PLEKHB1: variants seen among roughly 807,000 people sequenced by gnomAD.
PLEKHB1 encodes pleckstrin homology domain containing B1, also known as pleckstrin homology domain-containing family B member 1.
Under a neutral mutation model 36.2 loss-of-function variants are expected in PLEKHB1, and 29 were observed. That is an observed-to-expected ratio of 0.80 (90% CI 0.60 to 1.09). PLEKHB1 has a LOEUF of 1.09. Among genes scored for constraint, PLEKHB1 ranks in the 50% least tolerant of loss-of-function variants. The pLI, the probability that PLEKHB1 is intolerant of heterozygous loss-of-function variation, is 0.00. For missense variants in PLEKHB1, 330 were observed against 348.2 expected, an observed-to-expected ratio of 0.95 and a Z score of 0.42; for synonymous variants, 138 against 140.0, an observed-to-expected ratio of 0.99 and a Z score of 0.10.
At chr11:73,658,393 G>A (rs927482120) in intron 6 of PLEKHB1, among the ~76,000 whole-genome samples, 6 of 152,152 alleles carry the variant, frequency 3.9e-5, no homozygotes, top group African/African-American at 1.4e-4. Flanking sequence ...ACCCTCCATA[G>A]CTTGGCTTTT....
chr11:73,652,666 C>A (rs927861639), intron 4 of PLEKHB1: 2 of 314,982 alleles, frequency 6.3e-6, no homozygotes, highest in Non-Finnish European at 1.2e-5. Flanking sequence ...GGCTACAACA[C>A]CCACCCAAGA....
At chr11:73,649,249 A>G (rs1413012401) in intron 2 of PLEKHB1, among the ~76,000 whole-genome samples, 162 bp downstream of exon 2, 1 of 151,862 alleles carries the variant, frequency 6.6e-6, no homozygotes, top group Non-Finnish European at 1.5e-5. Flanking sequence ...TCCCGACTAC[A>G]TGGTTTAAAC....
intron 4 of PLEKHB1, chr11:73,652,567 TC>T (rs1333507560): frequency 5.9e-6 from 1 of 170,518 alleles, no homozygotes; most frequent in Non-Finnish European, 1.2e-5. Context: ...GGCCCCATTG[TC>T]CCGTGTCTGC....
chr11:73,657,691 G>A (rs543247266), intron 6 of PLEKHB1, among the ~76,000 whole-genome samples: 7 of 152,306 alleles, frequency 4.6e-5, no homozygotes, highest in African/African-American at 1.7e-4. Context: ...GGCTCACTGT[G>A]TAGCAGCAGG....
intron 4 of PLEKHB1, chr11:73,652,149 G>C: frequency 2.0e-6 from 1 of 511,686 alleles, no homozygotes; most frequent in South Asian, 2.3e-5. Context: ...CAGGTATCTG[G>C]TTCCTGGTCT....
intron 5 of PLEKHB1, among the ~76,000 whole-genome samples, chr11:73,654,912 G>A (rs1370845399): frequency 6.6e-6 from 1 of 152,202 alleles, no homozygotes; most frequent in Admixed American, 6.5e-5. Context: ...GAGGGCTGTG[G>A]TCAGATTTTG....
chr11:73,658,887 G>A (rs1945048554), intron 6 of PLEKHB1, among the ~76,000 whole-genome samples: 3 of 152,200 alleles, frequency 2.0e-5, no homozygotes, highest in Non-Finnish European at 4.4e-5. Flanking sequence ...AAAGTGCTGG[G>A]ATTACAGGCA....
intron 5 of PLEKHB1, chr11:73,653,310 C>T (rs1015462582): frequency 1.5e-5 from 10 of 649,178 alleles, no homozygotes; most frequent in South Asian, 1.1e-4. Flanking sequence ...GTGCAGGTAT[C>T]ATTCCAGCTG....
At chr11:73,652,189 G>A (rs1944911189) in intron 4 of PLEKHB1, 2 of 401,622 alleles carry the variant, frequency 5.0e-6, no homozygotes, top group Non-Finnish European at 9.1e-6. Context: ...GCCCTCACCT[G>A]AGGGTGATGC....
intron 5 of PLEKHB1, among the ~76,000 whole-genome samples, chr11:73,655,501 A>C (rs2008722): frequency 6.6e-6 from 1 of 152,136 alleles, no homozygotes; most frequent in Admixed American, 6.5e-5. Context: ...AGAGGACAGA[A>C]GGGAGTCGCC....
At chr11:73,647,945 C>T (rs1222096381) in intron 1 of PLEKHB1, 6 of 985,348 alleles carry the variant, frequency 6.1e-6, no homozygotes, top group Non-Finnish European at 7.2e-6. Flanking sequence ...AAGTGAGTCG[C>T]CCTCAGGAAC....
chr11:73,660,063 A>C (rs950173280), intron 6 of PLEKHB1, among the ~76,000 whole-genome samples: 1 of 152,234 alleles, frequency 6.6e-6, no homozygotes, highest in Non-Finnish European at 1.5e-5. Context: ...CATTTTCTAC[A>C]TTTATATATG....
At chr11:73,660,701 C>T (rs1225865244) in intron 6 of PLEKHB1, 52 bp from the exon 7 acceptor site, 4 of 1,534,658 alleles carry the variant, frequency 2.6e-6, no homozygotes, top group Non-Finnish European at 3.5e-6. Context: ...GGGTAGGGGA[C>T]CAAATCCGGG....
At chr11:73,650,999 TAA>T in intron 3 of PLEKHB1, among the ~76,000 whole-genome samples, 1 of 140,706 alleles carries the variant, frequency 7.1e-6, no homozygotes, top group South Asian at 2.3e-4. Flanking sequence ...CCCTGTCTCT[TAA>T]AAAAAAAAAA....
In PLEKHB1 at chr11:73,648,682, A is replaced by G. The variant is rs2512634; in HGVS notation, c.19-330A>G. ...CCTCCCTCCAGCCTCTGCCTGCCTCACAGACACACTTCTACAGATCTAGAA... is the reference window on the plus strand; with the variant it reads ...CCTCCCTCCAGCCTCTGCCTGCCTCGCAGACACACTTCTACAGATCTAGAA... On this transcript the variant is annotated intron_variant, in intron 1 of 7. Coordinates refer to ENST00000354190, the MANE Select transcript of PLEKHB1 (RefSeq NM_021200.3). The G allele has an allele frequency of 0.024, 25,611 of 1,047,582 alleles. 4,643 individuals carry two copies. In the African/African-American group the frequency reaches 0.39, roughly 16 times the overall value. 64.9% of individuals were successfully genotyped at this position (1,047,582 alleles called of 1,614,324 possible).
At chr11:73,648,729 C>A in intron 1 of PLEKHB1, 2 of 1,191,860 alleles carry the variant, frequency 1.7e-6, no homozygotes, top group Non-Finnish European at 2.1e-6. Context: ...GACAGAGGGC[C>A]AGGGAGGAGG....
At chr11:73,655,758 C>G in intron 5 of PLEKHB1, 45 bp from the exon 6 acceptor site, 1 of 1,553,442 alleles carries the variant, frequency 6.4e-7, no homozygotes, top group Non-Finnish European at 8.9e-7. Flanking sequence ...GCCTCTGACA[C>G]CCCCTCCCTC....
chr11:73,652,537 G>A lies in PLEKHB1; in HGVS notation c.351-438G>A, dbSNP rs149127415. 1,627 of 164,250 alleles carry A rather than the reference G, an allele frequency of 9.9e-3. 25 individuals carry two copies. Among genetic ancestry groups the A allele is most frequent in the Middle Eastern group, 0.039 (13 of 332 alleles). 10.2% of individuals were successfully genotyped at this position (164,250 alleles called of 1,614,324 possible). ...GAGCCGCCTTGTCCAACCCAGCCAG[G>A]TGCCATGGCAACCAACAAAGGCCCC... On this transcript the variant is annotated intron_variant, in intron 4 of 7. Transcript: ENST00000354190.
intron 4 of PLEKHB1, 130 bp downstream of exon 4, chr11:73,652,020 T>A: frequency 1.3e-6 from 1 of 768,174 alleles, no homozygotes; most frequent in Non-Finnish European, 2.1e-6. Context: ...GGGAGTCTTA[T>A]TGGAGGCGGG....
Sources: allele counts gnomAD v4.1 joint callset (sites outside exome capture counted in the v4.1 genomes callset), GRCh38; gene constraint gnomAD v4.1.1; transcripts MANE v1.5; gene names NCBI Gene and HGNC (gene_info 2026-07-23, HGNC 2026-07-21).